Variants in APLF observed in about 807,000 individuals in gnomAD.
APLF encodes the protein aprataxin and PNK-like factor.
APLF carries 61 observed loss-of-function variants against 55.6 expected under a neutral mutation model. The observed-to-expected ratio is 1.10, with a 90% CI of 0.89 to 1.36. APLF has a LOEUF of 1.36. APLF is among the 40% of genes most tolerant of loss of function. The pLI is 0.00. For missense variants in APLF, 611 were observed against 602.5 expected, an observed-to-expected ratio of 1.01 and a Z score of -0.15; for synonymous variants, 207 against 214.8, an observed-to-expected ratio of 0.96 and a Z score of 0.32.
At chr2:68,528,494 T>C in intron 6 of APLF, 1 of 1,533,968 alleles carries the variant, frequency 6.5e-7, no homozygotes, top group South Asian at 1.2e-5. Flanking sequence ...CAGTTTTCTT[T>C]TGCGGGACCT....
At chr2:68,503,972 A>G (rs1191083200) in intron 3 of APLF, among the ~76,000 whole-genome samples, 1 of 151,980 alleles carries the variant, frequency 6.6e-6, no homozygotes, top group Non-Finnish European at 1.5e-5. Context: ...AAGTGAGAAA[A>G]CACAAATTAT....
At position 68,519,346 on chromosome 2, in the gene APLF, G is replaced by T. The variant is rs1207839471; in HGVS notation, c.622+5666G>T. On this transcript the variant is annotated intron_variant, in intron 5 of 9. Coordinates refer to ENST00000303795, the MANE Select transcript of APLF (RefSeq NM_173545.3). ...TTCAAAGTGAAGTGCCCAAAAACAT[G>T]ATTCATATTTTAAGTGGTACATCTA... Among the ~76,000 whole-genome samples, 6 of 146,764 alleles carry T rather than the reference G, an allele frequency of 4.1e-5. 1 individual carries two copies. In the Admixed American group the frequency reaches 4.2e-4, roughly 10 times the overall value.
chr2:68,526,339 T>C lies in APLF; in HGVS notation c.804+97T>C. On this transcript the variant is annotated intron_variant, in intron 6 of 9. Coordinates refer to ENST00000303795, the MANE Select transcript of APLF (RefSeq NM_173545.3). ...TATAAAGAGAAATCAAAACTGCCTT[T>C]TATTGTTGAGTTTATGAAGACAAAA... is the stretch of plus-strand genomic sequence containing the variant. 5 of 1,454,548 alleles carry C rather than the reference T, an allele frequency of 3.4e-6. No individual in the cohort carries two copies. The South Asian group carries it at 6.1e-5, about 18-fold the overall frequency. 90.1% of individuals were successfully genotyped at this position (1,454,548 alleles called of 1,614,324 possible). A position where few individuals can be genotyped will look rare whatever the true frequency, so the allele number is the denominator to read the frequency against.
intron 2 of APLF, among the ~76,000 whole-genome samples, chr2:68,494,894 A>G (rs1052137802): frequency 6.6e-6 from 1 of 151,864 alleles, no homozygotes; most frequent in South Asian, 2.1e-4. Flanking sequence ...TTCTTTTTCC[A>G]GTCTATCATT....
chr2:68,551,107 GT>G (rs1670847611), intron 8 of APLF, among the ~76,000 whole-genome samples: 1 of 151,892 alleles, frequency 6.6e-6, no homozygotes, highest in South Asian at 2.1e-4. Context: ...TTTAAAGGCT[GT>G]TTTCACTAGG....
At chr2:68,479,756 A>G (rs373632858) in intron 1 of APLF, among the ~76,000 whole-genome samples, 1 of 152,236 alleles carries the variant, frequency 6.6e-6, no homozygotes, top group South Asian at 2.1e-4. Flanking sequence ...GTTATCATGT[A>G]TTTTCATAAA....
intron 8 of APLF, among the ~76,000 whole-genome samples, chr2:68,565,911 G>A (rs2104065467): frequency 6.6e-6 from 1 of 152,136 alleles, no homozygotes; most frequent in South Asian, 2.1e-4. Context: ...TTCTTAATAT[G>A]TTCGTTACCC....
intron 3 of APLF, among the ~76,000 whole-genome samples, chr2:68,505,932 C>G (rs1413998900): frequency 6.6e-6 from 1 of 151,930 alleles, no homozygotes; most frequent in African/African-American, 2.4e-5. Context: ...ACCCTCTAAT[C>G]ATGATTGGTT....
At chr2:68,474,671 T>A (rs1573143147) in intron 1 of APLF, among the ~76,000 whole-genome samples, 1 of 152,166 alleles carries the variant, frequency 6.6e-6, no homozygotes, top group African/African-American at 2.4e-5. Flanking sequence ...AGTGTCTGGG[T>A]ATCTGTATTT....
intron 2 of APLF, among the ~76,000 whole-genome samples, chr2:68,501,135 T>G (rs1455193557): frequency 6.6e-6 from 1 of 152,228 alleles, no homozygotes; most frequent in Non-Finnish European, 1.5e-5. Context: ...AATTTCTACC[T>G]CTGCTCTTTA....
chr2:68,555,157 A>G (rs936234340), intron 8 of APLF, among the ~76,000 whole-genome samples: 8 of 152,190 alleles, frequency 5.3e-5, no homozygotes, highest in African/African-American at 1.9e-4. Flanking sequence ...ACAAAAATCA[A>G]CTCAAGATGG....
intron 8 of APLF, among the ~76,000 whole-genome samples, chr2:68,554,823 A>T (rs1282087081): frequency 6.6e-6 from 1 of 151,992 alleles, no homozygotes; most frequent in African/African-American, 2.4e-5. Flanking sequence ...TTTAGAAAAA[A>T]AAATCCTAAA....
intron 3 of APLF, 67 bp downstream of exon 3, chr2:68,502,970 C>T: frequency 6.6e-7 from 1 of 1,513,140 alleles, no homozygotes; most frequent in Non-Finnish European, 9.0e-7. Context: ...ATCACAAATC[C>T]TTCGGTAGGA....
intron 5 of APLF, among the ~76,000 whole-genome samples, chr2:68,518,557 G>T (rs1268569346): frequency 2.2e-5 from 2 of 90,212 alleles, no homozygotes; most frequent in African/African-American, 7.4e-5. Context: ...TATCAATAAT[G>T]TATCATGAAT....
At chr2:68,555,463 A>G (rs1375596642) in intron 8 of APLF, among the ~76,000 whole-genome samples, 1 of 152,164 alleles carries the variant, frequency 6.6e-6, no homozygotes, top group African/African-American at 2.4e-5. Context: ...CAAATTAGCA[A>G]GAAAAAACAA....
At chr2:68,502,401 A>G (rs951593110) in intron 2 of APLF, among the ~76,000 whole-genome samples, 2 of 152,064 alleles carry the variant, frequency 1.3e-5, no homozygotes, top group Admixed American at 6.6e-5. Context: ...ATTATTTTTC[A>G]TATTTCTTCT....
intron 1 of APLF, among the ~76,000 whole-genome samples, chr2:68,481,504 TTGA>T (rs35148382): frequency 0.031 from 4,796 of 152,288 alleles, 91 homozygotes; most frequent in Non-Finnish European, 0.045. Flanking sequence ...TTTATGTGAC[TTGA>T]TGATTTTTTC....
chr2:68,576,077 T>C (rs1244402386), intron 9 of APLF, among the ~76,000 whole-genome samples: 2 of 152,198 alleles, frequency 1.3e-5, no homozygotes, highest in African/African-American at 4.8e-5. Context: ...GTTTCACCTT[T>C]ATATCTGTTT....
chr2:68,504,593 G>T (rs1288805474), intron 3 of APLF, among the ~76,000 whole-genome samples: 1 of 151,418 alleles, frequency 6.6e-6, no homozygotes, highest in Non-Finnish European at 1.5e-5. Context: ...TAAAAGTTTT[G>T]AGAAAACAAG....
Sources: allele counts gnomAD v4.1 joint callset (sites outside exome capture counted in the v4.1 genomes callset), GRCh38; gene constraint gnomAD v4.1.1; transcripts MANE v1.5; gene names NCBI Gene and HGNC (gene_info 2026-07-23, HGNC 2026-07-21).